Variants in TMEM135 observed in about 807,000 individuals in gnomAD.
TMEM135 encodes the protein transmembrane protein 135, also known as peroxisomal membrane protein 52.
A neutral mutation model predicts 60.3 loss-of-function variants in TMEM135; 30 were observed. That is an observed-to-expected ratio of 0.50 (90% CI 0.37 to 0.68). The LOEUF (loss-of-function observed/expected upper bound fraction) is 0.68, where lower values mean the gene tolerates loss of function less well. TMEM135 is among the 30% of genes least tolerant of loss of function. The pLI is 0.00. For synonymous variants in TMEM135, 190 were observed against 186.7 expected (o/e 1.02, Z -0.14); for missense variants, 468 against 548.8 (o/e 0.85, Z 1.47).
In TMEM135 at chr11:87,309,540, C is replaced by G. The variant is rs1433044973; in HGVS notation, c.804C>G (p.Ile268Met). 2.5e-6 allele frequency: 4 copies of G among 1,613,834 alleles called. No homozygotes were observed. Among genetic ancestry groups the G allele is most frequent in the Non-Finnish European group, 3.4e-6 (4 of 1,179,800 alleles). The change falls in exon 10 of 15, where the codon ATC becomes ATG. Residue 268 changes from isoleucine (I) to methionine (M), a missense_variant. Physicochemically the swap from Ile to Met is conservative, Grantham distance 10. Coordinates refer to ENST00000305494, the MANE Select transcript of TMEM135 (RefSeq NM_022918.4). ...GAATGTTTAGCGTGGGGTACTTGAT[C>G]CAGTGCTGCCTCCGAATCCCTTCTG... is the stretch of plus-strand genomic sequence containing the variant. ...FIRMFSVGYL[I>M]QCCLRIPSAF...
intron 5 of TMEM135, among the ~76,000 whole-genome samples, chr11:87,186,412 A>T (rs1421320950): frequency 6.6e-6 from 1 of 152,164 alleles, no homozygotes; most frequent in African/African-American, 2.4e-5. Context: ...TTTTTAACTT[A>T]TATAGTGTTT....
rs1320869740 is a variant in TMEM135, at chr11:87,323,434, A to G, written c.*2101A>G. On this transcript the variant is annotated 3_prime_UTR_variant, in exon 15 of 15. Transcript: ENST00000305494. Reference sequence around the variant, plus strand: ...AAGAAACTTTGTGTTTTTGAAGACAATCAGAATGATTACCTTTCTACCTCT... The same window carrying G: ...AAGAAACTTTGTGTTTTTGAAGACAGTCAGAATGATTACCTTTCTACCTCT... 1 of 454,036 alleles carries G rather than the reference A, an allele frequency of 2.2e-6. No homozygotes were observed. Among genetic ancestry groups the G allele is most frequent in the Non-Finnish European group, 4.4e-6 (1 of 226,744 alleles). The allele number at this position is 454,036 out of a possible 1,614,324, so 28.1% of individuals were successfully genotyped here.
rs1938377529 is a variant in TMEM135, at chr11:87,145,092, T to A, written c.397-12249T>A. ...ATATTTCTCTGGAGATTTTCTACCCTTTGATCAAATCTCCTCATTTCCCCA... is the reference window on the plus strand; with the variant it reads ...ATATTTCTCTGGAGATTTTCTACCCATTGATCAAATCTCCTCATTTCCCCA... On this transcript the variant is annotated intron_variant, in intron 4 of 14. Coordinates refer to ENST00000305494, the MANE Select transcript of TMEM135 (RefSeq NM_022918.4). 2.0e-5 allele frequency among the ~76,000 whole-genome samples: 3 copies of A among 152,268 alleles called. No homozygotes were observed. The South Asian group carries it at 6.2e-4, about 32-fold the overall frequency.
At chr11:87,038,325 G>A in intron 1 of TMEM135, 139 bp downstream of exon 1, 1 of 757,506 alleles carries the variant, frequency 1.3e-6, no homozygotes, top group Non-Finnish European at 2.1e-6. Flanking sequence ...GTTTTGGGGG[G>A]TCGGTAGGGG....
At chr11:87,072,623 C>T (rs554397730) in intron 3 of TMEM135, among the ~76,000 whole-genome samples, 10 of 152,070 alleles carry the variant, frequency 6.6e-5, no homozygotes, top group Non-Finnish European at 1.3e-4. Context: ...CCTTGTGATC[C>T]GCCCGCCTTG....
intron 5 of TMEM135, among the ~76,000 whole-genome samples, chr11:87,222,464 A>G (rs1940651380): frequency 7.0e-6 from 1 of 143,298 alleles, no homozygotes; most frequent in South Asian, 2.2e-4. Flanking sequence ...GCACCACTGC[A>G]CTCCAGCCTG....
intron 6 of TMEM135, among the ~76,000 whole-genome samples, chr11:87,288,166 T>C (rs1942203209): frequency 6.6e-6 from 1 of 152,172 alleles, no homozygotes; most frequent in African/African-American, 2.4e-5. Flanking sequence ...ATGTAAATAA[T>C]AAACAGCATT....
At chr11:87,056,392 G>A (rs1330428983) in intron 1 of TMEM135, among the ~76,000 whole-genome samples, 1 of 152,144 alleles carries the variant, frequency 6.6e-6, no homozygotes, top group Non-Finnish European at 1.5e-5. Context: ...ACAGGTGTGA[G>A]CCACGGCACC....
At chr11:87,070,918 A>G (rs191814911) in intron 2 of TMEM135, among the ~76,000 whole-genome samples, 1 of 152,324 alleles carries the variant, frequency 6.6e-6, no homozygotes, top group East Asian at 1.9e-4. Flanking sequence ...ATAACAGCTA[A>G]CACTTTCTGA....
intron 3 of TMEM135, among the ~76,000 whole-genome samples, chr11:87,080,061 C>T (rs1460178470): frequency 4.0e-5 from 6 of 151,224 alleles, no homozygotes; most frequent in African/African-American, 1.2e-4. Context: ...AGGCTGGTCT[C>T]GAACTCCTGA....
At chr11:87,304,737 C>T (rs1469092151) in intron 8 of TMEM135, among the ~76,000 whole-genome samples, 1 of 152,150 alleles carries the variant, frequency 6.6e-6, no homozygotes, top group Non-Finnish European at 1.5e-5. Flanking sequence ...CAGAACATTG[C>T]TCTGCAAGTT....
chr11:87,157,611 T>A, intron 5 of TMEM135: 1 of 501,762 alleles, frequency 2.0e-6, no homozygotes, highest in African/African-American at 1.9e-5. Context: ...CAAATTACTG[T>A]CTTTTTACCT....
chr11:87,089,696 T>C (rs957676499), intron 3 of TMEM135, among the ~76,000 whole-genome samples: 2 of 152,214 alleles, frequency 1.3e-5, no homozygotes, highest in Non-Finnish European at 2.9e-5. Context: ...ACTTAACTTT[T>C]CTTTCTTCAG....
chr11:87,176,430 A>T (rs1188500616), intron 5 of TMEM135, among the ~76,000 whole-genome samples: 1 of 152,150 alleles, frequency 6.6e-6, no homozygotes, highest in Non-Finnish European at 1.5e-5. Context: ...CTTTTTAAAA[A>T]AATAAATCAC....
At chr11:87,236,250 G>A (rs1034655926) in intron 5 of TMEM135, among the ~76,000 whole-genome samples, 5 of 151,584 alleles carry the variant, frequency 3.3e-5, no homozygotes, top group African/African-American at 1.2e-4. Context: ...CTCCTAATAT[G>A]GGCTATATTA....
intron 5 of TMEM135, among the ~76,000 whole-genome samples, chr11:87,230,518 T>C (rs1282577601): frequency 6.6e-6 from 1 of 152,142 alleles, no homozygotes; most frequent in East Asian, 1.9e-4. Flanking sequence ...CCTTATGGCA[T>C]ATGTAATAGG....
At chr11:87,259,900 C>T (rs1941612608) in intron 6 of TMEM135, among the ~76,000 whole-genome samples, 1 of 152,128 alleles carries the variant, frequency 6.6e-6, no homozygotes, top group South Asian at 2.1e-4. Context: ...ATCACAAAGC[C>T]TCTTTGTACT....
At chr11:87,313,340 A>T in intron 10 of TMEM135, 85 bp from the exon 11 acceptor site, 1 of 1,151,474 alleles carries the variant, frequency 8.7e-7, no homozygotes, top group Non-Finnish European at 1.3e-6. Context: ...AATCTGATGA[A>T]TTTATTCATT....
intron 6 of TMEM135, among the ~76,000 whole-genome samples, chr11:87,289,437 C>A (rs1290113168): frequency 2.3e-5 from 2 of 87,606 alleles, no homozygotes; most frequent in Non-Finnish European, 2.0e-5. Context: ...ATCTCCATAT[C>A]TTTTTTTTTT....
Sources: allele counts gnomAD v4.1 joint callset (sites outside exome capture counted in the v4.1 genomes callset), GRCh38; gene constraint gnomAD v4.1.1; transcripts MANE v1.5; gene names NCBI Gene and HGNC (gene_info 2026-07-23, HGNC 2026-07-21).